The following RAB43 variants were observed in gnomAD, a reference collection of about 807,000 sequenced individuals.
The protein encoded by RAB43 is RAB43, member RAS oncogene family.
Under a neutral mutation model 18.8 loss-of-function variants are expected in RAB43, and 6 were observed. The ratio of observed to expected loss-of-function variants is 0.32; its 90% confidence interval spans 0.17 to 0.63. The LOEUF (loss-of-function observed/expected upper bound fraction) is 0.63. Among genes scored for constraint, RAB43 ranks in the 30% least tolerant of loss-of-function variants. The probability of loss-of-function intolerance (pLI) is 0.79; values close to 1 mark genes in which losing one functional copy is unlikely to be tolerated. For missense variants in RAB43, 195 were observed against 289.1 expected (o/e 0.67, Z 2.36); for synonymous variants, 103 against 124.1 (o/e 0.83, Z 1.13).
At chr3:129,105,823 C>G (rs967931724) in intron 1 of RAB43, among the ~76,000 whole-genome samples, 39 of 151,740 alleles carry the variant, frequency 2.6e-4, no homozygotes, top group Non-Finnish European at 5.2e-4. Flanking sequence ...AAACAAAAAG[C>G]GGGCTTTGTA....
At chr3:129,112,652 C>G (rs898713564) in intron 1 of RAB43, among the ~76,000 whole-genome samples, 1 of 152,206 alleles carries the variant, frequency 6.6e-6, no homozygotes, top group African/African-American at 2.4e-5. Flanking sequence ...CAGTGCCCAG[C>G]ACATACAGGA....
At chr3:129,092,653 T>A in intron 2 of RAB43, 2 of 531,282 alleles carry the variant, frequency 3.8e-6, no homozygotes, top group South Asian at 5.1e-5. Flanking sequence ...ACTATTTTCA[T>A]AGCTGTATAA....
At chr3:129,094,131 G>A (rs1933860876) in intron 2 of RAB43, among the ~76,000 whole-genome samples, 1 of 152,178 alleles carries the variant, frequency 6.6e-6, no homozygotes, top group African/African-American at 2.4e-5. Context: ...TGTTAGAAAC[G>A]CACATTCATG....
rs570449248 is a variant in RAB43, at chr3:129,109,165, C to A, written c.204+12121G>T. Among the ~76,000 whole-genome samples, 20 of 152,216 alleles carry A rather than the reference C, an allele frequency of 1.3e-4. 1 individual carries two copies. The highest frequency in any genetic ancestry group is 8.8e-5 in the Non-Finnish European group (6 of 68,014). On this transcript the variant is annotated intron_variant, in intron 1 of 2. Coordinates refer to ENST00000315150, the MANE Select transcript of RAB43 (RefSeq NM_198490.3). Reference sequence around the variant, plus strand: ...GTGGCTCACACCTGTAATCCCAACACTTTGGGAGGCCAAGGCGGGCGGATC... The same window carrying A: ...GTGGCTCACACCTGTAATCCCAACAATTTGGGAGGCCAAGGCGGGCGGATC...
Position 129,091,068 on chromosome 3 carries a change from ACC to A in RAB43, c.*26_*27del, listed in dbSNP as rs200251926. On this transcript the variant is annotated 3_prime_UTR_variant, in exon 3 of 3. Transcript: ENST00000315150. ...GCTGGGGAGAGCAAGGAGGTGGGGA[ACC>A]CCCAGTCTGCCGGCCCGGCCCCTGG... 0.017 allele frequency: 26,601 copies of A among 1,608,536 alleles called. 278 individuals carry two copies. The highest frequency in any genetic ancestry group is 0.02 in the Non-Finnish European group (24,154 of 1,178,740).
In RAB43 at chr3:129,095,855, G is replaced by T. The variant is rs1934014434; in HGVS notation, c.205-686C>A. Among the ~76,000 whole-genome samples the T allele has an allele frequency of 6.6e-6, 1 of 152,230 alleles. No individual in the cohort carries two copies. Among genetic ancestry groups the T allele is most frequent in the South Asian group, 2.1e-4 (1 of 4,836 alleles). On this transcript the variant is annotated intron_variant, in intron 1 of 2. Coordinates refer to ENST00000315150, the MANE Select transcript of RAB43 (RefSeq NM_198490.3). This position sits in a 1 kb window ranked among gnomAD's most constrained non-coding sequence, Gnocchi z 4.2. ...GTGGAGAAGAGGTGCCCATGGGTGG[G>T]AGGAGCTTCCCTAGTGTCTTTTAGA...
Position 129,121,078 on chromosome 3 carries a change from C to G in RAB43, c.204+208G>C, listed in dbSNP as rs897602726. On this transcript the variant is annotated intron_variant, in intron 1 of 2. Transcript: ENST00000315150. Reference sequence around the variant, plus strand: ...CCTCCACACTCCCTCGCCCCCCCCCCCCCCAGCAACCCACGGCCGGCGCTT... The same window carrying G: ...CCTCCACACTCCCTCGCCCCCCCCCGCCCCAGCAACCCACGGCCGGCGCTT... Among the ~76,000 whole-genome samples the G allele has an allele frequency of 8.0e-4, 117 of 147,124 alleles. 1 individual carries two copies. The highest frequency in any genetic ancestry group is 1.4e-3 in the Non-Finnish European group (91 of 66,202).
In RAB43 at chr3:129,121,383, T is replaced by G; in HGVS notation, c.107A>C (p.Gln36Pro). The stretch of plus-strand genomic sequence containing the variant: ...CGAGAAGGCGCCGGTCTTGAAGCGC[T>G]GCACCACGCACGTCTTGCCCACGCT... ...DASVGKTCVV[Q>P]RFKTGAFSER... The change falls in exon 1 of 3, where the codon CAG becomes CCG. Residue 36 changes from glutamine (Q) to proline (P), a missense_variant. Transcript: ENST00000315150. 1 of 1,612,598 alleles carries G rather than the reference T, an allele frequency of 6.2e-7. No individual in the cohort carries two copies. The highest frequency in any genetic ancestry group is 8.5e-7 in the Non-Finnish European group (1 of 1,179,394).
chr3:129,094,806 C>T (rs570317241), intron 2 of RAB43, among the ~76,000 whole-genome samples, 180 bp downstream of exon 2: 276 of 152,158 alleles, frequency 1.8e-3, no homozygotes, highest in Non-Finnish European at 2.8e-3. Flanking sequence ...CGTGAGCCAC[C>T]GTGCCCGGCC....
chr3:129,101,886 A>T (rs1417597011), intron 1 of RAB43, among the ~76,000 whole-genome samples: 2 of 152,084 alleles, frequency 1.3e-5, no homozygotes, highest in Non-Finnish European at 2.9e-5. Flanking sequence ...TTATCAGCGC[A>T]CCCTGCACTC....
chr3:129,109,883 G>A (rs1162859630), intron 1 of RAB43, among the ~76,000 whole-genome samples: 1 of 150,310 alleles, frequency 6.7e-6, no homozygotes, highest in Non-Finnish European at 1.5e-5. Flanking sequence ...TTTTTTTTGT[G>A]AGACAGGCTC....
At chr3:129,092,376 G>A (rs1933720787) in intron 2 of RAB43, 2 of 489,920 alleles carry the variant, frequency 4.1e-6, no homozygotes, top group Admixed American at 7.3e-5. Context: ...AATAATCCGA[G>A]GGAGGGGAGG....
intron 1 of RAB43, among the ~76,000 whole-genome samples, chr3:129,097,914 C>T (rs928435531): frequency 6.6e-6 from 1 of 152,102 alleles, no homozygotes; most frequent in African/African-American, 2.4e-5. Flanking sequence ...CTGGGAGTTT[C>T]CTGACCATGG....
Position 129,090,248 on chromosome 3 carries a change from C to T in RAB43, c.*848G>A, listed in dbSNP as rs1200425107. On this transcript the variant is annotated 3_prime_UTR_variant, in exon 3 of 3. Coordinates refer to ENST00000315150, the MANE Select transcript of RAB43 (RefSeq NM_198490.3). ...GGGTGCCTTGCGGTGCCCTCTCATC[C>T]CTGAGCCTCAAGGATGCAAGCTTCT... 6 of 149,980 alleles carry T rather than the reference C, an allele frequency of 4.0e-5. No individual in the cohort carries two copies. The highest frequency in any genetic ancestry group is 8.9e-5 in the Non-Finnish European group (6 of 67,478). 9.3% of individuals were successfully genotyped at this position (149,980 alleles called of 1,614,324 possible). A position where few individuals can be genotyped will look rare whatever the true frequency, so the allele number is the denominator to read the frequency against.
chr3:129,092,454 T>A (rs1216360419), intron 2 of RAB43: 1 of 685,422 alleles, frequency 1.5e-6, no homozygotes, highest in African/African-American at 1.8e-5. Flanking sequence ...AATGGGTACC[T>A]GGGGGCTCAT....
rs1269605073 is a variant in RAB43, at chr3:129,121,726, T to A, written c.-237A>T. The stretch of plus-strand genomic sequence containing the variant: ...CCGCCCGGACCCGGTGCCCCGCGGG[T>A]TCGGCTCCCCCCCGGACCCGCCAAG... On this transcript the variant is annotated 5_prime_UTR_variant, in exon 1 of 3. Transcript: ENST00000315150. 1 of 255,790 alleles carries A rather than the reference T, an allele frequency of 3.9e-6. No homozygotes were observed. The highest frequency in any genetic ancestry group is 6.8e-6 in the Non-Finnish European group (1 of 146,286). 15.8% of individuals were successfully genotyped at this position (255,790 alleles called of 1,614,324 possible).
intron 1 of RAB43, among the ~76,000 whole-genome samples, chr3:129,118,379 C>G (rs1935685137): frequency 6.6e-6 from 1 of 152,130 alleles, no homozygotes; most frequent in Non-Finnish European, 1.5e-5. Context: ...GTTTTTTTAG[C>G]AGGAGAATTC....
intron 1 of RAB43, among the ~76,000 whole-genome samples, chr3:129,111,350 A>G (rs1406340058): frequency 1.3e-5 from 2 of 151,902 alleles, no homozygotes; most frequent in Non-Finnish European, 2.9e-5. Flanking sequence ...CCTCATCTCT[A>G]CTAAAAATAT....
At position 129,107,950 on chromosome 3, in the gene RAB43, C is replaced by A. The variant is rs148201291; in HGVS notation, c.205-12781G>T. On this transcript the variant is annotated intron_variant, in intron 1 of 2. Transcript: ENST00000315150. The surrounding 1 kb of genome is among the most constrained non-coding windows in gnomAD (Gnocchi z 4.2). ...TCCCCGGGCTCCCAGGCACAGCTGGCTGTTTCGCTGCCTATGGCCCCCAGG... is the reference window on the plus strand; with the variant it reads ...TCCCCGGGCTCCCAGGCACAGCTGGATGTTTCGCTGCCTATGGCCCCCAGG... Among the ~76,000 whole-genome samples the A allele has an allele frequency of 1.5e-3, 225 of 152,360 alleles. No individual in the cohort carries two copies. Among genetic ancestry groups the A allele is most frequent in the African/African-American group, 5.0e-3 (208 of 41,586 alleles).
Sources: allele counts gnomAD v4.1 joint callset (sites outside exome capture counted in the v4.1 genomes callset), GRCh38; gene constraint gnomAD v4.1.1; non-coding constraint Gnocchi (gnomAD v3.1); transcripts MANE v1.5; gene names NCBI Gene and HGNC (gene_info 2026-07-23, HGNC 2026-07-21).